ADAM12: variants seen among roughly 807,000 people sequenced by gnomAD.
ADAM12 encodes ADAM metallopeptidase domain 12.
Under a neutral mutation model 106.4 loss-of-function variants are expected in ADAM12, and 70 were observed. The ratio of observed to expected loss-of-function variants is 0.66; its 90% confidence interval spans 0.54 to 0.80. ADAM12 has a LOEUF of 0.80. ADAM12 is among the 30% of genes least tolerant of loss of function. The pLI, the probability that ADAM12 is intolerant of heterozygous loss-of-function variation, is 0.00. For synonymous variants in ADAM12, 420 were observed against 433.5 expected, an observed-to-expected ratio of 0.97 and a Z score of 0.39; for missense variants, 1,010 against 1,171.9, an observed-to-expected ratio of 0.86 and a Z score of 2.02.
chr10:126,046,837 G>A (rs1317004249), intron 16 of ADAM12, among the ~76,000 whole-genome samples: 2 of 151,210 alleles, frequency 1.3e-5, no homozygotes, highest in African/African-American at 2.4e-5. Context: ...AGATATAGGG[G>A]AGGGCGAGAC....
At chr10:126,191,542 AG>A (rs545117543) in intron 3 of ADAM12, among the ~76,000 whole-genome samples, 6 of 148,408 alleles carry the variant, frequency 4.0e-5, no homozygotes, top group African/African-American at 1.2e-4. Flanking sequence ...GATGGATCAG[AG>A]GGGGTGGGTA....
Position 126,032,133 on chromosome 10 carries a change from G to A in ADAM12, c.2529+4013C>T, listed in dbSNP as rs73374523. On this transcript the variant is annotated intron_variant, in intron 21 of 22. Transcript: ENST00000448723. ...TTTAAATGTGAGGTGGACCAAGATGGTGTTTGTGGTAGTGTTTTCTTCTGG... is the reference window on the plus strand; with the variant it reads ...TTTAAATGTGAGGTGGACCAAGATGATGTTTGTGGTAGTGTTTTCTTCTGG... Among the ~76,000 whole-genome samples the A allele has an allele frequency of 7.3e-3, 1,119 of 152,260 alleles. 14 individuals are homozygous for A. The highest frequency in any genetic ancestry group is 0.023 in the African/African-American group (959 of 41,570).
chr10:126,109,966 C>G, intron 6 of ADAM12, 126 bp from the exon 7 acceptor site: 2 of 765,658 alleles, frequency 2.6e-6, no homozygotes, highest in Admixed American at 5.2e-5. Flanking sequence ...GGCCCCCACA[C>G]CTCCATTCCA....
rs143151031 is a variant in ADAM12, at chr10:126,378,474, G to T, written c.88+9584C>A. Among the ~76,000 whole-genome samples, 17 of 152,262 alleles carry T rather than the reference G, an allele frequency of 1.1e-4. 1 individual carries two copies. The highest frequency in any genetic ancestry group is 4.1e-4 in the African/African-American group (17 of 41,578). On this transcript the variant is annotated intron_variant, in intron 1 of 22. Coordinates refer to ENST00000448723, the MANE Select transcript of ADAM12 (RefSeq NM_001288973.2). Reference sequence around the variant, plus strand: ...TATGAATAAGTCTAAAATATATATTGATTTTTTAAAAAGTTGCAGAAGGTT... The same window carrying T: ...TATGAATAAGTCTAAAATATATATTTATTTTTTAAAAAGTTGCAGAAGGTT...
chr10:126,022,574 C>T (rs1161261338), intron 21 of ADAM12, among the ~76,000 whole-genome samples: 1 of 152,202 alleles, frequency 6.6e-6, no homozygotes, highest in East Asian at 1.9e-4. Flanking sequence ...ACCAGCTGCA[C>T]ATTTTGACCC....
chr10:126,281,556 T>C (rs1184630025), intron 2 of ADAM12, among the ~76,000 whole-genome samples: 3 of 152,180 alleles, frequency 2.0e-5, no homozygotes, highest in Non-Finnish European at 2.9e-5. Context: ...TGTACATTAG[T>C]TGAGGTATGA....
intron 6 of ADAM12, 59 bp from the exon 7 acceptor site, chr10:126,109,899 C>A: frequency 1.3e-6 from 2 of 1,502,870 alleles, no homozygotes; most frequent in Non-Finnish European, 1.8e-6. Flanking sequence ...TTAAGACTGT[C>A]AATGTCTCTC....
At chr10:126,213,060 C>T (rs1329460941) in intron 3 of ADAM12, among the ~76,000 whole-genome samples, 1 of 152,140 alleles carries the variant, frequency 6.6e-6, no homozygotes, top group Non-Finnish European at 1.5e-5. Context: ...CTACAAGACT[C>T]ACATTTGGTT....
At chr10:126,261,480 T>C (rs1959000048) in intron 3 of ADAM12, among the ~76,000 whole-genome samples, 1 of 152,214 alleles carries the variant, frequency 6.6e-6, no homozygotes, top group African/African-American at 2.4e-5. Flanking sequence ...ATTGGCAATC[T>C]AGTTCAGTGA....
chr10:126,321,131 C>T (rs1020651278), intron 2 of ADAM12, among the ~76,000 whole-genome samples: 3 of 152,140 alleles, frequency 2.0e-5, no homozygotes, highest in African/African-American at 7.2e-5. Flanking sequence ...AAACAGAATT[C>T]ATCAAACTCC....
chr10:126,173,210 C>T (rs1432667806), intron 3 of ADAM12, among the ~76,000 whole-genome samples: 6 of 152,046 alleles, frequency 3.9e-5, no homozygotes, highest in South Asian at 4.2e-4. Context: ...ACCTATGTAA[C>T]GAACCTGCAC....
At chr10:126,111,782 T>A (rs1955873336) in intron 6 of ADAM12, among the ~76,000 whole-genome samples, 1 of 152,154 alleles carries the variant, frequency 6.6e-6, no homozygotes, top group South Asian at 2.1e-4. Flanking sequence ...CTTAACCACA[T>A]AATAAAGAGA....
chr10:126,341,171 G>A (rs905365968), intron 1 of ADAM12, among the ~76,000 whole-genome samples: 8 of 151,908 alleles, frequency 5.3e-5, no homozygotes, highest in Non-Finnish European at 7.4e-5. Context: ...GTTGCTTCCC[G>A]GCCCGTCATC....
chr10:126,129,458 C>T (rs1265425436), intron 5 of ADAM12, among the ~76,000 whole-genome samples: 1 of 152,158 alleles, frequency 6.6e-6, no homozygotes, highest in African/African-American at 2.4e-5. Flanking sequence ...TCCTCTGGGC[C>T]AGGAGCTGGA....
In ADAM12 at chr10:126,331,715, C is replaced by T. The variant is rs949841294; in HGVS notation, c.89-1206G>A. ...AGAGGGCTGAGCTGCAACCCTCGAC[C>T]GCATGGGGAAGGAAGGAGGGAGGGG... On this transcript the variant is annotated intron_variant, in intron 1 of 22. Transcript: ENST00000448723. Among the ~76,000 whole-genome samples, 135 of 152,166 alleles carry T rather than the reference C, an allele frequency of 8.9e-4. 2 individuals are homozygous for T. Among genetic ancestry groups the T allele is most frequent in the African/African-American group, 3.1e-3 (129 of 41,510 alleles).
chr10:126,281,141 T>C (rs1051346292), intron 2 of ADAM12, among the ~76,000 whole-genome samples: 1 of 152,212 alleles, frequency 6.6e-6, no homozygotes, highest in Non-Finnish European at 1.5e-5. Context: ...CCATTAATTA[T>C]ATGTGTGAAG....
intron 21 of ADAM12, among the ~76,000 whole-genome samples, chr10:126,035,539 G>A (rs892070245): frequency 1.3e-5 from 2 of 152,108 alleles, no homozygotes; most frequent in African/African-American, 4.8e-5. Context: ...ATTAATAGCA[G>A]TGAAAAATTA....
chr10:126,299,893 C>G (rs1252814655), intron 2 of ADAM12, among the ~76,000 whole-genome samples: 1 of 152,194 alleles, frequency 6.6e-6, no homozygotes, highest in Non-Finnish European at 1.5e-5. Context: ...ATCTGCCTGT[C>G]TCAGCCTCCC....
At chr10:126,112,427 G>T (rs560092171) in intron 6 of ADAM12, among the ~76,000 whole-genome samples, 23 of 151,990 alleles carry the variant, frequency 1.5e-4, no homozygotes, top group Admixed American at 1.4e-3. Flanking sequence ...ATTTTGGGGG[G>T]TTATGAACAA....
Sources: allele counts gnomAD v4.1 joint callset (sites outside exome capture counted in the v4.1 genomes callset), GRCh38; gene constraint gnomAD v4.1.1; transcripts MANE v1.5; gene names NCBI Gene and HGNC (gene_info 2026-07-23, HGNC 2026-07-21).